The following FUT8 variants were observed in gnomAD, a reference collection of about 807,000 sequenced individuals.
FUT8 encodes the protein fucosyltransferase 8.
In FUT8, 29 loss-of-function variants were observed where a neutral mutation model predicts 71.3. That is an observed-to-expected ratio of 0.41 (90% confidence interval 0.30 to 0.55). FUT8 has a LOEUF of 0.55. Among genes scored for constraint, FUT8 ranks in the 20% least tolerant of loss-of-function variants. FUT8 has a pLI of 0.34. For missense variants in FUT8, 544 were observed against 702.1 expected, an observed-to-expected ratio of 0.77 and a Z score of 2.55; for synonymous variants, 254 against 239.3, an observed-to-expected ratio of 1.06 and a Z score of -0.57.
intron 2 of FUT8, among the ~76,000 whole-genome samples, chr14:65,505,102 G>T (rs1011975393): frequency 6.6e-6 from 1 of 152,032 alleles, no homozygotes; most frequent in African/African-American, 2.4e-5. Context: ...TGTATTCTGT[G>T]CCCCATGTAC....
intron 9 of FUT8, among the ~76,000 whole-genome samples, chr14:65,728,034 C>A (rs1335738773): frequency 1.3e-5 from 2 of 152,334 alleles, no homozygotes; most frequent in Non-Finnish European, 2.9e-5. Flanking sequence ...CCATCTGAGA[C>A]CACCTCAGCC....
chr14:65,637,022 T>G (rs1443728996), intron 6 of FUT8, among the ~76,000 whole-genome samples: 1 of 152,238 alleles, frequency 6.6e-6, no homozygotes, highest in Non-Finnish European at 1.5e-5. Flanking sequence ...TGTATATGTT[T>G]ATCTAAAAAG....
intron 2 of FUT8, among the ~76,000 whole-genome samples, chr14:65,460,081 G>C (rs1372340441): frequency 1.3e-5 from 2 of 152,070 alleles, no homozygotes; most frequent in African/African-American, 4.8e-5. Flanking sequence ...TGCTCTATAT[G>C]TTTTCTCTGG....
intron 2 of FUT8, among the ~76,000 whole-genome samples, chr14:65,536,639 T>G (rs564180983): frequency 6.6e-6 from 1 of 152,232 alleles, no homozygotes; most frequent in Non-Finnish European, 1.5e-5. Flanking sequence ...TCTGTTGGGC[T>G]TCCTTTTGTA....
intron 9 of FUT8, among the ~76,000 whole-genome samples, chr14:65,730,444 T>A (rs900754977): frequency 1.3e-5 from 2 of 152,040 alleles, no homozygotes; most frequent in Admixed American, 6.6e-5. Flanking sequence ...GAGGCCGAGG[T>A]GGGCGGATCA....
rs146998307 is a variant in FUT8, at chr14:65,500,406, C to T, written c.-228+44688C>T. Among the ~76,000 whole-genome samples the T allele has an allele frequency of 3.3e-5, 5 of 152,232 alleles. No homozygotes were observed. In the East Asian group the frequency reaches 5.8e-4, roughly 18 times the overall value. On this transcript the variant is annotated intron_variant, in intron 2 of 10. Transcript: ENST00000673929. ...CGGTAAAAATATCCTGGATCATTCTCTTGTGAAACTAGCATTAAGAGCCAC... is the reference window on the plus strand; with the variant it reads ...CGGTAAAAATATCCTGGATCATTCTTTTGTGAAACTAGCATTAAGAGCCAC...
intron 7 of FUT8, among the ~76,000 whole-genome samples, chr14:65,715,370 A>G (rs557661562): frequency 1.2e-3 from 177 of 152,302 alleles, no homozygotes; most frequent in African/African-American, 3.9e-3. Flanking sequence ...TTGATATGAT[A>G]TGTCTCATTG....
chr14:65,528,159 G>A (rs1883635261), intron 2 of FUT8, among the ~76,000 whole-genome samples: 1 of 152,238 alleles, frequency 6.6e-6, no homozygotes, highest in African/African-American at 2.4e-5. Flanking sequence ...GGAGTCTGCA[G>A]AGGCAGGCAG....
intron 7 of FUT8, among the ~76,000 whole-genome samples, chr14:65,693,784 T>C (rs1180291652): frequency 6.6e-6 from 1 of 152,252 alleles, no homozygotes; most frequent in Non-Finnish European, 1.5e-5. Flanking sequence ...GTTCCTTAAA[T>C]GTTTAGTAGA....
chr14:65,588,794 A>T (rs1461726584), intron 3 of FUT8, among the ~76,000 whole-genome samples: 1 of 152,198 alleles, frequency 6.6e-6, no homozygotes, highest in Non-Finnish European at 1.5e-5. Flanking sequence ...GTTCTATTTT[A>T]TTATTATTCT....
In FUT8 at chr14:65,724,317, AAAC is replaced by A; in HGVS notation, c.1256_1258del (p.Thr419del). The A allele has an allele frequency of 1.2e-6, 2 of 1,600,956 alleles. No individual in the cohort carries two copies. The highest frequency in any genetic ancestry group is 1.7e-6 in the Non-Finnish European group (2 of 1,173,996). On this transcript the variant is annotated inframe_deletion, in exon 9 of 11. Transcript: ENST00000673929. ...GACCCTTCTTTATTAAAGGAGGCAA[AAAC>A]AAAGTAAGTTAGACCAACTAGTGAT...
chr14:65,697,832 G>A (rs538839071), intron 7 of FUT8, among the ~76,000 whole-genome samples: 25 of 152,170 alleles, frequency 1.6e-4, no homozygotes, highest in African/African-American at 6.0e-4. Flanking sequence ...ACAATTAGCT[G>A]GGCGTGGTGG....
intron 3 of FUT8, among the ~76,000 whole-genome samples, chr14:65,566,634 A>G (rs1314429443): frequency 6.6e-6 from 1 of 151,984 alleles, no homozygotes; most frequent in Non-Finnish European, 1.5e-5. Context: ...GGAAACTCTT[A>G]AAGTATTAAT....
Position 65,430,310 on chromosome 14 carries a change from G to A in FUT8, c.-326+17096G>A, listed in dbSNP as rs557003447. ...CACCCAAAATGTTGGGATTACAGGGGTAAGCCATTGCACCAGCCAAGAATG... is the reference window on the plus strand; with the variant it reads ...CACCCAAAATGTTGGGATTACAGGGATAAGCCATTGCACCAGCCAAGAATG... On this transcript the variant is annotated intron_variant, in intron 1 of 10. Transcript: ENST00000673929. 7 of 152,140 alleles carry A rather than the reference G, an allele frequency of 4.6e-5. No homozygotes were observed. The South Asian group carries it at 1.2e-3, about 27-fold the overall frequency. The allele number at this position is 152,140 out of a possible 1,614,324, so 9.4% of individuals were successfully genotyped here.
the FUT8 span, among the ~76,000 whole-genome samples, chr14:65,373,766 T>A: frequency 1.1e-4 from 17 of 152,294 alleles, no homozygotes; most frequent in South Asian, 3.5e-3. Context: ...CATTCGCCCC[T>A]GGGTGCTACA....
At chr14:65,370,201 C>CTTTTT in the FUT8 span, among the ~76,000 whole-genome samples, 14 of 58,462 alleles carry the variant, frequency 2.4e-4, no homozygotes, top group African/African-American at 3.3e-4. Flanking sequence ...CACACATAGT[C>CTTTTT]TTTTTTTTTT....
rs1566851612 is a variant in FUT8, at chr14:65,611,303, C to CACACACA, written c.204-4675_204-4674insACACACA. 7.3e-4 allele frequency among the ~76,000 whole-genome samples: 31 copies of CACACACA among 42,580 alleles called. 7 individuals carry two copies. The highest frequency in any genetic ancestry group is 3.4e-3 in the African/African-American group (29 of 8,554). 27.9% of individuals were successfully genotyped at this position (42,580 alleles called of 152,430 possible). A position where few individuals can be genotyped will look rare whatever the true frequency, so the allele number is the denominator to read the frequency against. On this transcript the variant is annotated intron_variant, in intron 3 of 10. Coordinates refer to ENST00000673929, the MANE Select transcript of FUT8 (RefSeq NM_001371533.1). The stretch of plus-strand genomic sequence containing the variant: ...CACACACACACACACACACACACAC[C>CACACACA]CCCCAAGTAATAGCCTTGATTTTGC...
intron 9 of FUT8, among the ~76,000 whole-genome samples, chr14:65,728,618 A>T (rs1895805407): frequency 6.6e-6 from 1 of 152,222 alleles, no homozygotes; most frequent in Admixed American, 6.5e-5. Context: ...CAGCGATGAA[A>T]CACCTGTATG....
At chr14:65,575,997 G>GT (rs1225308914) in intron 3 of FUT8, among the ~76,000 whole-genome samples, 8 of 152,208 alleles carry the variant, frequency 5.3e-5, no homozygotes, top group African/African-American at 1.9e-4. Flanking sequence ...TTGGCCGCAA[G>GT]TAAGTATAGC....
Sources: allele counts gnomAD v4.1 joint callset (sites outside exome capture counted in the v4.1 genomes callset), GRCh38; gene constraint gnomAD v4.1.1; transcripts MANE v1.5; gene names NCBI Gene and HGNC (gene_info 2026-07-23, HGNC 2026-07-21).